TNS3: variants seen among roughly 807,000 people sequenced by gnomAD.
TNS3 encodes the protein tensin-3.
A neutral mutation model predicts 140.9 loss-of-function variants in TNS3; 45 were observed. That is an observed-to-expected ratio of 0.32 (90% CI 0.25 to 0.41). The LOEUF is 0.41. Ranked by LOEUF, TNS3 falls within the 10% of genes least tolerant of loss-of-function variation. TNS3 has a pLI of 1.00. For missense variants in TNS3, 1,716 were observed against 1,906.7 expected (o/e 0.90, Z 1.86); for synonymous variants, 815 against 788.4 (o/e 1.03, Z -0.56).
intron 3 of TNS3, among the ~76,000 whole-genome samples, chr7:47,490,749 CCT>C (rs1797781132): frequency 6.6e-6 from 1 of 152,206 alleles, no homozygotes; most frequent in Non-Finnish European, 1.5e-5. Flanking sequence ...ACCCAGTCCC[CCT>C]GTCAGCACCA....
intron 13 of TNS3, among the ~76,000 whole-genome samples, chr7:47,405,007 G>A (rs1247504874): frequency 6.6e-6 from 1 of 152,202 alleles, no homozygotes; most frequent in Non-Finnish European, 1.5e-5. Context: ...ACACCAAGTC[G>A]AAGGCAGACA....
chr7:47,382,756 T>A (rs1791849180), intron 16 of TNS3, among the ~76,000 whole-genome samples: 1 of 150,122 alleles, frequency 6.7e-6, no homozygotes, highest in Admixed American at 6.7e-5. Flanking sequence ...ATAGGAAAAG[T>A]GGACTCTCCA....
intron 4 of TNS3, among the ~76,000 whole-genome samples, chr7:47,466,778 G>C (rs992660736): frequency 1.3e-5 from 2 of 152,214 alleles, no homozygotes; most frequent in African/African-American, 4.8e-5. Context: ...TCATTTATTA[G>C]GAGTTTGGAA....
chr7:47,423,165 C>A (rs182976176), intron 10 of TNS3, among the ~76,000 whole-genome samples: 3 of 152,346 alleles, frequency 2.0e-5, no homozygotes, highest in East Asian at 3.9e-4. Context: ...AGATACAAGG[C>A]ATCAAAACTT....
At chr7:47,474,576 CACA>C (rs1352788749) in intron 4 of TNS3, among the ~76,000 whole-genome samples, 2 of 149,242 alleles carry the variant, frequency 1.3e-5, no homozygotes, top group Admixed American at 1.3e-4. Flanking sequence ...ACACACACCT[CACA>C]ACACACACAA....
chr7:47,427,950 C>T (rs1264741960), intron 9 of TNS3, among the ~76,000 whole-genome samples: 1 of 152,196 alleles, frequency 6.6e-6, no homozygotes, highest in African/African-American at 2.4e-5. Flanking sequence ...AAGGTATGAG[C>T]TGATTTAGTG....
chr7:47,477,300 G>A (rs529287591), intron 4 of TNS3, among the ~76,000 whole-genome samples: 91 of 152,306 alleles, frequency 6.0e-4, no homozygotes, highest in Non-Finnish European at 9.8e-4. Flanking sequence ...AACATGCTGG[G>A]ATGAAGCTAT....
In TNS3 at chr7:47,303,482, G is replaced by T; in HGVS notation, c.2925C>A (p.Phe975Leu). ...RPTGSPLSAE[F>L]SGTRKDSPVL... ...CTGGGGAGTCCTTCCTGGTACCGGAGAACTCAGCGCTGAGGGGACTTCCGG... is the reference window on the plus strand; with the variant it reads ...CTGGGGAGTCCTTCCTGGTACCGGATAACTCAGCGCTGAGGGGACTTCCGG... Residue 975 changes from phenylalanine to leucine, a missense_variant, in exon 22 of 31, where the codon TTC becomes TTA. Phe to Leu is a conservative substitution (Grantham distance 22, BLOSUM62 0). Coordinates refer to ENST00000311160, the MANE Select transcript of TNS3 (RefSeq NM_022748.12). 1 of 1,611,280 alleles carries T rather than the reference G, an allele frequency of 6.2e-7. No individual in the cohort carries two copies. Among genetic ancestry groups the T allele is most frequent in the Non-Finnish European group, 8.5e-7 (1 of 1,179,966 alleles).
At chr7:47,309,846 T>C (rs1239625400) in intron 20 of TNS3, among the ~76,000 whole-genome samples, 1 of 152,252 alleles carries the variant, frequency 6.6e-6, no homozygotes, top group African/African-American at 2.4e-5. Context: ...TCAGTTACAG[T>C]GCAGGAGTTA....
At chr7:47,342,733 G>C (rs575123178) in intron 20 of TNS3, among the ~76,000 whole-genome samples, 28 of 152,340 alleles carry the variant, frequency 1.8e-4, no homozygotes, top group Non-Finnish European at 3.2e-4. Context: ...GTAACAGTAA[G>C]AGTGACCCAT....
In TNS3 at chr7:47,470,538, G is replaced by A. The variant is rs964126386; in HGVS notation, c.-76+10565C>T. On this transcript the variant is annotated intron_variant, in intron 4 of 30. Transcript: ENST00000311160. ...TTACAGGTGAGTCCAGGGACCACAC[G>A]ACAATACTTCAGCCAAAGGTGCCTT... 2.0e-5 allele frequency: 20 copies of A among 985,292 alleles called. No individual in the cohort carries two copies. The South Asian group carries it at 2.8e-4, about 14-fold the overall frequency. 61.0% of individuals were successfully genotyped at this position (985,292 alleles called of 1,614,324 possible). A position where few individuals can be genotyped will look rare whatever the true frequency, so the allele number is the denominator to read the frequency against.
chr7:47,445,399 G>A (rs758579492), intron 4 of TNS3, among the ~76,000 whole-genome samples: 2 of 152,170 alleles, frequency 1.3e-5, no homozygotes, highest in Non-Finnish European at 2.9e-5. Context: ...AGGATTTGGT[G>A]GGCGGACGTG....
intron 4 of TNS3, among the ~76,000 whole-genome samples, chr7:47,480,078 C>T (rs910668625): frequency 1.3e-5 from 2 of 152,302 alleles, no homozygotes; most frequent in African/African-American, 2.4e-5. Flanking sequence ...CGCCGCTGGC[C>T]GAGCCTGGGG....
intron 12 of TNS3, 58 bp downstream of exon 12, chr7:47,413,879 G>A: frequency 6.3e-7 from 1 of 1,598,724 alleles, no homozygotes; most frequent in South Asian, 1.1e-5. Flanking sequence ...AGGGTCAGCT[G>A]CAGTTCCCTG....
At chr7:47,295,157 G>T (rs1038225977) in intron 24 of TNS3, among the ~76,000 whole-genome samples, 8 of 152,176 alleles carry the variant, frequency 5.3e-5, no homozygotes, top group African/African-American at 1.7e-4. Flanking sequence ...GTTTCCTCAA[G>T]TCTGCTATTC....
At chr7:47,366,921 G>A (rs751613086) in intron 17 of TNS3, among the ~76,000 whole-genome samples, 12 of 152,312 alleles carry the variant, frequency 7.9e-5, no homozygotes, top group Non-Finnish European at 1.5e-4. Context: ...CATGCACGGC[G>A]TCACACAGCC....
At chr7:47,335,386 C>A (rs1788576558) in intron 20 of TNS3, among the ~76,000 whole-genome samples, 1 of 152,230 alleles carries the variant, frequency 6.6e-6, no homozygotes, top group African/African-American at 2.4e-5. Flanking sequence ...CTAATCACAA[C>A]CTCTTTTAAA....
At chr7:47,295,767 C>A (rs191627130) in intron 24 of TNS3, among the ~76,000 whole-genome samples, 2 of 152,218 alleles carry the variant, frequency 1.3e-5, no homozygotes, top group East Asian at 1.9e-4. Context: ...TTCCCGGAAA[C>A]GCTACAGCCC....
chr7:47,418,645 C>T (rs1243889946), intron 10 of TNS3, among the ~76,000 whole-genome samples: 2 of 152,226 alleles, frequency 1.3e-5, no homozygotes, highest in Non-Finnish European at 2.9e-5. Flanking sequence ...GTTTTCCATG[C>T]TGCTTCTCAA....
Sources: gnomAD v4.1 joint callset for allele counts (sites outside exome capture counted in the v4.1 genomes callset) on GRCh38, gnomAD v4.1.1 for gene constraint, MANE v1.5 for transcripts, NCBI Gene and HGNC (gene_info 2026-07-23, HGNC 2026-07-21) for gene names.